PLPPR1: variants seen among roughly 807,000 people sequenced by gnomAD.
The protein encoded by PLPPR1 is phospholipid phosphatase related 1, also known as phospholipid phosphatase-related protein type 1.
PLPPR1 carries 10 observed loss-of-function variants against 33.1 expected under a neutral mutation model. The ratio of observed to expected loss-of-function variants is 0.30; its 90% CI spans 0.19 to 0.51. PLPPR1 has a LOEUF of 0.51. Among genes scored for constraint, PLPPR1 ranks in the 20% least tolerant of loss-of-function variants. PLPPR1 has a pLI of 0.97. For synonymous variants in PLPPR1, 151 were observed against 151.0 expected (o/e 1.00, Z 0.00); for missense variants, 304 against 408.1 (o/e 0.74, Z 2.20).
intron 1 of PLPPR1, among the ~76,000 whole-genome samples, chr9:101,073,070 G>A (rs1006095236): frequency 2.0e-5 from 3 of 152,114 alleles, no homozygotes; most frequent in Non-Finnish European, 4.4e-5. Context: ...CTATTATTAT[G>A]CAGATAAAAC....
At chr9:101,213,654 T>C (rs1826728195) in intron 2 of PLPPR1, among the ~76,000 whole-genome samples, 1 of 152,210 alleles carries the variant, frequency 6.6e-6, no homozygotes, top group Non-Finnish European at 1.5e-5. Flanking sequence ...ATACTCTTTA[T>C]CAATTCCTAC....
At chr9:101,197,540 G>A (rs1421232016) in intron 2 of PLPPR1, among the ~76,000 whole-genome samples, 4 of 152,148 alleles carry the variant, frequency 2.6e-5, no homozygotes, top group Admixed American at 2.6e-4. Context: ...AATAGATATT[G>A]CAGGCTCCAA....
intron 2 of PLPPR1, among the ~76,000 whole-genome samples, chr9:101,196,593 G>A (rs1225903381): frequency 3.3e-5 from 5 of 152,208 alleles, no homozygotes; most frequent in South Asian, 2.1e-4. Flanking sequence ...CGGACGCGGC[G>A]GCTCACGCCT....
chr9:101,316,263 C>T (rs565758909), intron 6 of PLPPR1, among the ~76,000 whole-genome samples: 5 of 152,036 alleles, frequency 3.3e-5, no homozygotes, highest in Non-Finnish European at 7.4e-5. Flanking sequence ...GGTGAAACCC[C>T]GTCTCTACTA....
At chr9:101,308,825 G>A (rs1564033704) in intron 4 of PLPPR1, among the ~76,000 whole-genome samples, 2 of 152,126 alleles carry the variant, frequency 1.3e-5, no homozygotes, top group Non-Finnish European at 2.9e-5. Context: ...TATTTTGCAC[G>A]TAGATTATTC....
chr9:101,275,670 AC>A (rs1828176923), intron 3 of PLPPR1, among the ~76,000 whole-genome samples: 2 of 152,168 alleles, frequency 1.3e-5, no homozygotes, highest in African/African-American at 4.8e-5. Flanking sequence ...AAGAGGATTT[AC>A]TCAGCAGAGA....
intron 2 of PLPPR1, among the ~76,000 whole-genome samples, chr9:101,260,319 C>A (rs1827875323): frequency 6.6e-6 from 1 of 152,088 alleles, no homozygotes; most frequent in Non-Finnish European, 1.5e-5. Context: ...GGATGGTTAA[C>A]TCTTTAGCAG....
At position 101,050,287 on chromosome 9, in the gene PLPPR1, T is replaced by C. The variant is rs1244399926; in HGVS notation, c.-46+21185T>C. Among the ~76,000 whole-genome samples the C allele has an allele frequency of 3.3e-5, 5 of 152,148 alleles. No individual in the cohort carries two copies. In the East Asian group the frequency reaches 9.6e-4, roughly 29 times the overall value. ...TTTGATTTTTCCTCAATGTCTTTTT[T>C]TGGAAAAAAAACAAAAAGATGTACA... On this transcript the variant is annotated intron_variant, in intron 1 of 7. Coordinates refer to ENST00000374874, the MANE Select transcript of PLPPR1 (RefSeq NM_207299.2).
intron 2 of PLPPR1, among the ~76,000 whole-genome samples, chr9:101,233,483 A>C (rs1427097476): frequency 2.0e-5 from 3 of 151,906 alleles, no homozygotes; most frequent in Non-Finnish European, 4.4e-5. Flanking sequence ...TCATGGCTTT[A>C]ATGTTTGTCC....
At chr9:101,258,873 A>C (rs1217879349) in intron 2 of PLPPR1, among the ~76,000 whole-genome samples, 2 of 152,176 alleles carry the variant, frequency 1.3e-5, no homozygotes, top group Non-Finnish European at 2.9e-5. Context: ...AATCATTTTG[A>C]ATTTTTAATC....
At chr9:101,111,589 A>G (rs1831058343) in intron 1 of PLPPR1, among the ~76,000 whole-genome samples, 1 of 152,202 alleles carries the variant, frequency 6.6e-6, no homozygotes, top group Admixed American at 6.5e-5. Context: ...ATGATTTGTC[A>G]ATATTCTGTT....
At chr9:101,242,046 G>C (rs1257555340) in intron 2 of PLPPR1, among the ~76,000 whole-genome samples, 1 of 152,090 alleles carries the variant, frequency 6.6e-6, no homozygotes. Context: ...ATCTACCAGG[G>C]AATCCAAAAT....
intron 4 of PLPPR1, among the ~76,000 whole-genome samples, chr9:101,296,938 A>C (rs964118613): frequency 3.3e-5 from 5 of 152,154 alleles, no homozygotes; most frequent in Non-Finnish European, 5.9e-5. Context: ...CTAAAACTTA[A>C]AGTATAATAA....
intron 3 of PLPPR1, 79 bp downstream of exon 3, chr9:101,270,147 C>T: frequency 6.8e-7 from 1 of 1,460,982 alleles, no homozygotes. Context: ...CCTCTTTCTT[C>T]TCTTCCTGAG....
At chr9:101,048,094 G>C (rs1045011555) in intron 1 of PLPPR1, among the ~76,000 whole-genome samples, 1 of 152,140 alleles carries the variant, frequency 6.6e-6, no homozygotes, top group African/African-American at 2.4e-5. Flanking sequence ...CTCCTTTATC[G>C]CATGTGCCAC....
chr9:101,107,580 C>T (rs1233550782), intron 1 of PLPPR1, among the ~76,000 whole-genome samples: 2 of 59,898 alleles, frequency 3.3e-5, no homozygotes, highest in South Asian at 7.4e-4. Flanking sequence ...CTTAAGTCTG[C>T]AGAGGTTACT....
chr9:101,033,224 G>A (rs2118399233), intron 1 of PLPPR1, among the ~76,000 whole-genome samples: 1 of 152,310 alleles, frequency 6.6e-6, no homozygotes, highest in African/African-American at 2.4e-5. Context: ...CATAGTCAGA[G>A]TTTGTTTTCA....
intron 4 of PLPPR1, among the ~76,000 whole-genome samples, chr9:101,291,539 G>T (rs998436742): frequency 6.6e-6 from 1 of 152,122 alleles, no homozygotes; most frequent in South Asian, 2.1e-4. Context: ...GGAGGCACCC[G>T]CCAGTAGGGG....
chr9:101,214,750 C>T lies in PLPPR1; in HGVS notation c.63+29193C>T, dbSNP rs539205680. Among the ~76,000 whole-genome samples, 12 of 152,212 alleles carry T rather than the reference C, an allele frequency of 7.9e-5. No individual in the cohort carries two copies. The South Asian group carries it at 1.9e-3, about 24-fold the overall frequency. On this transcript the variant is annotated intron_variant, in intron 2 of 7. Coordinates refer to ENST00000374874, the MANE Select transcript of PLPPR1 (RefSeq NM_207299.2). ...GAAAAGCTAAAGGAGGGGTCAGGTG[C>T]GGTGCATCATGCCTGTAATCCCAGC... is the stretch of plus-strand genomic sequence containing the variant.
Sources: gnomAD v4.1 joint callset for allele counts (sites outside exome capture counted in the v4.1 genomes callset) on GRCh38, gnomAD v4.1.1 for gene constraint, MANE v1.5 for transcripts, NCBI Gene and HGNC (gene_info 2026-07-23, HGNC 2026-07-21) for gene names.